Variants in PPP6R3 observed in about 807,000 individuals in gnomAD.
PPP6R3 encodes the protein serine/threonine-protein phosphatase 6 regulatory subunit 3.
PPP6R3 carries 38 observed loss-of-function variants against 110.7 expected under a neutral mutation model. That is an observed-to-expected ratio of 0.34 (90% confidence interval 0.26 to 0.45). The LOEUF (loss-of-function observed/expected upper bound fraction) is 0.45, where lower values mean the gene tolerates loss of function less well. PPP6R3 is among the 20% of genes least tolerant of loss of function. The probability of loss-of-function intolerance (pLI) is 1.00; values close to 1 mark genes in which losing one functional copy is unlikely to be tolerated. For synonymous variants in PPP6R3, 369 were observed against 373.5 expected (o/e 0.99, Z 0.14); for missense variants, 870 against 1,062.4 (o/e 0.82, Z 2.52).
At position 68,519,681 on chromosome 11, in the gene PPP6R3, C is replaced by T. The variant is rs941312822; in HGVS notation, c.-7+30C>T. The T allele has an allele frequency of 4.3e-5, 17 of 398,244 alleles. No homozygotes were observed. The Middle Eastern group carries it at 1.9e-3, about 44-fold the overall frequency. 24.7% of individuals were successfully genotyped at this position (398,244 alleles called of 1,614,324 possible). A position where few individuals can be genotyped will look rare whatever the true frequency, so the allele number is the denominator to read the frequency against. ...GACCATTACGATTAGCAGGAGTTTC[C>T]TTCCATTAATGACATCAAGGAAAGC... On this transcript the variant is annotated intron_variant, in intron 2 of 23. Transcript: ENST00000393800.
intron 11 of PPP6R3, among the ~76,000 whole-genome samples, chr11:68,570,268 T>C (rs947226501): frequency 1.3e-5 from 2 of 152,252 alleles, no homozygotes; most frequent in African/African-American, 4.8e-5. Context: ...AATACGTGAC[T>C]GAAAGTCAGG....
intron 1 of PPP6R3, among the ~76,000 whole-genome samples, chr11:68,475,743 C>T (rs577700119): frequency 1.0e-4 from 11 of 110,428 alleles, no homozygotes; most frequent in Middle Eastern, 3.8e-3. Flanking sequence ...ACTTCTCAGA[C>T]GGGGCGGCTG....
At chr11:68,462,259 C>T (rs1032830046) in intron 1 of PPP6R3, among the ~76,000 whole-genome samples, 2 of 152,192 alleles carry the variant, frequency 1.3e-5, no homozygotes, top group African/African-American at 4.8e-5. Flanking sequence ...AGTCCCGACT[C>T]TTGGTGACTG....
At chr11:68,612,939 A>G (rs1196612791) in intron 23 of PPP6R3, 127 bp from the exon 24 acceptor site, 2 of 1,494,720 alleles carry the variant, frequency 1.3e-6, no homozygotes, top group African/African-American at 2.8e-5. Context: ...TCATTTTATT[A>G]AAAACTTACT....
intron 1 of PPP6R3, among the ~76,000 whole-genome samples, chr11:68,491,624 A>G (rs1332926424): frequency 1.3e-5 from 2 of 152,072 alleles, no homozygotes; most frequent in African/African-American, 2.4e-5. Context: ...TGTCGGGATT[A>G]TAGGTGTGAG....
At chr11:68,468,461 G>A (rs1228440018) in intron 1 of PPP6R3, among the ~76,000 whole-genome samples, 1 of 152,176 alleles carries the variant, frequency 6.6e-6, no homozygotes, top group Non-Finnish European at 1.5e-5. Context: ...CCTTTTCACT[G>A]TGGACTTCTT....
chr11:68,507,776 G>A lies in PPP6R3; in HGVS notation c.-157-11725G>A, dbSNP rs377738831. Among the ~76,000 whole-genome samples, 11 of 152,244 alleles carry A rather than the reference G, an allele frequency of 7.2e-5. 1 individual carries two copies. The South Asian group carries it at 2.1e-3, about 29-fold the overall frequency. The stretch of plus-strand genomic sequence containing the variant: ...ATCCAAGCTTTGTGATATACCACCT[G>A]TCTGTCTAATGGAGAGTGCATCTTT... On this transcript the variant is annotated intron_variant, in intron 1 of 23. Coordinates refer to ENST00000393800, the MANE Select transcript of PPP6R3 (RefSeq NM_001164161.2).
At chr11:68,519,299 G>T (rs916330822) in intron 1 of PPP6R3, among the ~76,000 whole-genome samples, 1 of 152,132 alleles carries the variant, frequency 6.6e-6, no homozygotes, top group Non-Finnish European at 1.5e-5. Flanking sequence ...TTTAGGGTAG[G>T]ATAAAAGCTA....
chr11:68,569,095 C>G (rs2099491822), intron 10 of PPP6R3, among the ~76,000 whole-genome samples: 1 of 152,116 alleles, frequency 6.6e-6, no homozygotes, highest in South Asian at 2.1e-4. Context: ...AGAAAATTTA[C>G]CACGCTAACT....
At chr11:68,495,107 G>A (rs1421276457) in intron 1 of PPP6R3, among the ~76,000 whole-genome samples, 2 of 152,206 alleles carry the variant, frequency 1.3e-5, no homozygotes, top group Non-Finnish European at 1.5e-5. Flanking sequence ...AAATAGGGTG[G>A]CATTTGTGTG....
intron 1 of PPP6R3, among the ~76,000 whole-genome samples, chr11:68,512,950 C>A (rs1292733001): frequency 1.3e-5 from 2 of 152,152 alleles, no homozygotes; most frequent in African/African-American, 4.8e-5. Context: ...CGGGGAAGAT[C>A]TGCCCTCAGT....
chr11:68,603,613 C>A (rs2099638445), intron 22 of PPP6R3, 121 bp downstream of exon 22: 4 of 1,242,404 alleles, frequency 3.2e-6, no homozygotes, highest in Non-Finnish European at 4.5e-6. Context: ...AGCTTGATGT[C>A]TTTCTGTTGT....
intron 5 of PPP6R3, among the ~76,000 whole-genome samples, chr11:68,549,110 C>T (rs978362439): frequency 3.9e-5 from 6 of 152,122 alleles, no homozygotes; most frequent in African/African-American, 1.4e-4. Context: ...AGGCTGGTCT[C>T]GAACTCCTGA....
chr11:68,475,896 C>T (rs1346577580), intron 1 of PPP6R3, among the ~76,000 whole-genome samples: 3 of 150,854 alleles, frequency 2.0e-5, no homozygotes, highest in African/African-American at 7.3e-5. Context: ...CTCCACATCT[C>T]AGACGATGGG....
intron 1 of PPP6R3, among the ~76,000 whole-genome samples, chr11:68,519,213 A>C (rs2153569495): frequency 6.6e-6 from 1 of 152,326 alleles, no homozygotes; most frequent in East Asian, 1.9e-4. Flanking sequence ...CAGAAGACAA[A>C]GGTAAGAATA....
intron 1 of PPP6R3, among the ~76,000 whole-genome samples, chr11:68,467,225 G>A (rs1313909698): frequency 6.6e-6 from 1 of 152,242 alleles, no homozygotes; most frequent in East Asian, 1.9e-4. Flanking sequence ...TCTTTTTACA[G>A]ATATAAGGAG....
chr11:68,477,741 A>AAAAAAAAAATATATAT, intron 1 of PPP6R3, among the ~76,000 whole-genome samples: 5 of 57,908 alleles, frequency 8.6e-5, no homozygotes, highest in African/African-American at 2.8e-4. Context: ...AAAAAAAAAA[A>AAAAAAAAAATATATAT]ATATATATAT....
chr11:68,545,155 C>A, intron 4 of PPP6R3, 131 bp downstream of exon 4: 1 of 576,364 alleles, frequency 1.7e-6, no homozygotes, highest in Non-Finnish European at 2.9e-6. Context: ...TATTTTAAAC[C>A]TTAAACATTC....
chr11:68,514,840 C>T (rs535243697), intron 1 of PPP6R3, among the ~76,000 whole-genome samples: 1 of 152,378 alleles, frequency 6.6e-6, no homozygotes, highest in East Asian at 1.9e-4. Flanking sequence ...CTGCCTTGGC[C>T]TCCCAAAGTG....
Sources: gnomAD v4.1 joint callset for allele counts (sites outside exome capture counted in the v4.1 genomes callset) on GRCh38, gnomAD v4.1.1 for gene constraint, MANE v1.5 for transcripts, NCBI Gene and HGNC (gene_info 2026-07-23, HGNC 2026-07-21) for gene names.